RPS3: variants seen among roughly 807,000 people sequenced by gnomAD.
The protein encoded by RPS3 is small ribosomal subunit protein uS3.
In RPS3, 2 loss-of-function variants were observed where a neutral mutation model predicts 25.8. The observed-to-expected ratio is 0.08, with a 90% CI of 0.03 to 0.24. The LOEUF is 0.24. Ranked by LOEUF, RPS3 falls within the 10% of genes least tolerant of loss-of-function variation. RPS3 has a pLI of 1.00. For missense variants in RPS3, 107 were observed against 307.1 expected, an observed-to-expected ratio of 0.35 and a Z score of 4.87; for synonymous variants, 114 against 114.2, an observed-to-expected ratio of 1.00 and a Z score of 0.01.
At chr11:75,407,378 T>TC (rs749401858), downstream of RPS3, among the ~76,000 whole-genome samples, 1 of 152,106 alleles carries the variant, frequency 6.6e-6, no homozygotes. Flanking sequence ...CTTCAAGTGA[T>TC]CCCCCCACCT....
chr11:75,409,744 A>G (rs1183548344), downstream of RPS3, among the ~76,000 whole-genome samples: 1 of 148,294 alleles, frequency 6.7e-6, no homozygotes, highest in African/African-American at 2.5e-5. Context: ...GGGGCTCCTC[A>G]CTTCCCAGTA....
downstream of RPS3, among the ~76,000 whole-genome samples, chr11:75,410,590 G>A (rs1332001562): frequency 2.0e-5 from 3 of 152,294 alleles, no homozygotes; most frequent in East Asian, 1.9e-4. Flanking sequence ...ACGGGGTGGC[G>A]GCCGGGCAGA....
intron 6 of RPS3, among the ~76,000 whole-genome samples, chr11:75,413,235 G>A (rs1055138417): frequency 1.2e-4 from 14 of 118,038 alleles, no homozygotes; most frequent in East Asian, 2.3e-4. Flanking sequence ...GTGTGTGTGT[G>A]TATATATATA....
chr11:75,400,501 T>G (rs376136097), intron 1 of RPS3, 193 bp from the exon 2 acceptor site: 113 of 789,408 alleles, frequency 1.4e-4, no homozygotes, highest in Non-Finnish European at 2.3e-4. Flanking sequence ...GTTGAAGTAA[T>G]TTCCTAAAGA....
At position 75,406,252 on chromosome 11, in the gene RPS3, TTATC is replaced by T. The variant is rs1171356415; in HGVS notation, c.*647_*650del. 6.6e-6 allele frequency: 1 copy of T among 152,268 alleles called. No individual in the cohort carries two copies. Among genetic ancestry groups the T allele is most frequent in the African/African-American group, 2.4e-5 (1 of 41,472 alleles). The allele number at this position is 152,268 out of a possible 1,614,324, so 9.4% of individuals were successfully genotyped here. ...AAGAACATTTAAATTGTCTCTGATT[TTATC>T]TATCAATGTTTTGAAGTATTTTCTA... On this transcript the variant is annotated 3_prime_UTR_variant, in exon 7 of 7. Transcript: ENST00000531188.
At chr11:75,402,129 GGAA>G (rs1480291694) in intron 3 of RPS3, 2 of 609,678 alleles carry the variant, frequency 3.3e-6, no homozygotes, top group Non-Finnish European at 5.7e-6. Context: ...AGGCTACGTT[GGAA>G]GAAGAAATGT....
At chr11:75,402,236 C>G in intron 3 of RPS3, 116 bp from the exon 4 acceptor site, 1 of 1,512,504 alleles carries the variant, frequency 6.6e-7, no homozygotes, top group Non-Finnish European at 9.1e-7. Flanking sequence ...GCATGCGGCC[C>G]GTGGGTTGGG....
At position 75,406,033 on chromosome 11, in the gene RPS3, T is replaced by C. The variant is rs569074088; in HGVS notation, c.*423T>C. 1.3e-5 allele frequency: 2 copies of C among 158,100 alleles called. No homozygotes were observed. The highest frequency in any genetic ancestry group is 6.3e-5 in the Admixed American group (1 of 15,750). The allele number at this position is 158,100 out of a possible 1,614,324, so 9.8% of individuals were successfully genotyped here. On this transcript the variant is annotated 3_prime_UTR_variant, in exon 7 of 7. Transcript: ENST00000531188. ...CTGTGCTCTAAGTGTTCTTTACATA[T>C]GTACTCGTTAATCAACCTCTCTAAA...
At chr11:75,416,331 C>T (rs889931000) in intron 6 of RPS3, among the ~76,000 whole-genome samples, 2 of 152,192 alleles carry the variant, frequency 1.3e-5, no homozygotes, top group Admixed American at 1.3e-4. Context: ...GCACTGACTA[C>T]AGGTGCCATG....
At chr11:75,408,422 C>T (rs1466168660), downstream of RPS3, among the ~76,000 whole-genome samples, 1 of 151,998 alleles carries the variant, frequency 6.6e-6, no homozygotes. Context: ...TGCAGTGAGC[C>T]ATAATTGTGC....
rs1948253675 is a variant in RPS3 at position 75,404,419 on chromosome 11, C to G, written c.538+212C>G. 1 of 784,244 alleles carries G rather than the reference C, an allele frequency of 1.3e-6. No individual in the cohort carries two copies. The highest frequency in any genetic ancestry group is 2.3e-6 in the Non-Finnish European group (1 of 432,594). 48.6% of individuals were successfully genotyped at this position (784,244 alleles called of 1,614,324 possible). A position where few individuals can be genotyped will look rare whatever the true frequency, so the allele number is the denominator to read the frequency against. On this transcript the variant is annotated intron_variant, in intron 5 of 6. Transcript: ENST00000531188. The surrounding 1 kb of genome is among the most constrained non-coding windows in gnomAD (Gnocchi z 4.6). ...TGTCCTTGTTTTAGCCATCTGTGTA[C>G]CCTTCAGTGATGACACGATGACGAG...
chr11:75,418,213 G>C (rs928099596), intron 6 of RPS3, among the ~76,000 whole-genome samples: 1 of 152,234 alleles, frequency 6.6e-6, no homozygotes, highest in African/African-American at 2.4e-5. Flanking sequence ...TTCTCTGGGT[G>C]GGGGGCCATG....
Position 75,404,568 on chromosome 11 carries a change from T to A in RPS3, c.539-104T>A, listed in dbSNP as rs769987564. ...TTTAGAGGCATTTGTCTGAGAAGGG[T>A]CCAGACCCAGGGGTGCTTGAGTAAA... On this transcript the variant is annotated intron_variant, in intron 5 of 6. Transcript: ENST00000531188. The surrounding 1 kb of genome is among the most constrained non-coding windows in gnomAD (Gnocchi z 4.6). 8.9e-7 allele frequency: 1 copy of A among 1,126,520 alleles called. No individual in the cohort carries two copies. The highest frequency in any genetic ancestry group is 1.4e-6 in the Non-Finnish European group (1 of 736,150). The allele number at this position is 1,126,520 out of a possible 1,614,324, so 69.8% of individuals were successfully genotyped here.
At chr11:75,400,640 G>C in intron 1 of RPS3, 54 bp from the exon 2 acceptor site, 1 of 1,598,050 alleles carries the variant, frequency 6.3e-7, no homozygotes, top group Non-Finnish European at 8.6e-7. Context: ...TGGCTCAGGC[G>C]AAAGTGAGCC....
chr11:75,400,600 TGAGG>T, intron 1 of RPS3, 90 bp from the exon 2 acceptor site: 1 of 1,553,238 alleles, frequency 6.4e-7, no homozygotes, highest in East Asian at 2.3e-5. Context: ...TTAGTTTTGG[TGAGG>T]GATGCATTGA....
Position 75,402,449 on chromosome 11 carries a change from A to G in RPS3, c.350+3A>G. ...CTAGGAGGGCTTGCTGTGCGGAGGTAAGTGTCCTGAGACCTAATGGTCATG... is the reference window on the plus strand; with the variant it reads ...CTAGGAGGGCTTGCTGTGCGGAGGTGAGTGTCCTGAGACCTAATGGTCATG... On this transcript the variant is annotated splice_donor_region_variant and intron_variant, in intron 4 of 6. Transcript: ENST00000531188. The G allele has an allele frequency of 6.2e-7, 1 of 1,604,054 alleles. No homozygotes were observed. Among genetic ancestry groups the G allele is most frequent in the Non-Finnish European group, 8.5e-7 (1 of 1,172,326 alleles).
intron 6 of RPS3, among the ~76,000 whole-genome samples, chr11:75,417,970 A>G (rs2135072233): frequency 6.6e-6 from 1 of 152,320 alleles, no homozygotes; most frequent in East Asian, 1.9e-4. Flanking sequence ...CTCGGCCCGG[A>G]TCAAGATCTA....
At chr11:75,418,403 G>T (rs969519190) in intron 6 of RPS3, among the ~76,000 whole-genome samples, 2 of 151,970 alleles carry the variant, frequency 1.3e-5, no homozygotes, top group African/African-American at 4.8e-5. Flanking sequence ...TTTTATTTTG[G>T]TTTTTATCCC....
chr11:75,417,193 G>A (rs926000335), intron 6 of RPS3, among the ~76,000 whole-genome samples: 3 of 152,128 alleles, frequency 2.0e-5, no homozygotes, highest in Admixed American at 6.5e-5. Context: ...ATATTGGCAG[G>A]GTATGGTGGC....
Sources: gnomAD v4.1 joint callset for allele counts (sites outside exome capture counted in the v4.1 genomes callset) on GRCh38, gnomAD v4.1.1 for gene constraint, Gnocchi (gnomAD v3.1) non-coding constraint, MANE v1.5 for transcripts, NCBI Gene and HGNC (gene_info 2026-07-23, HGNC 2026-07-21) for gene names.